The following XPR1 variants were observed in gnomAD, a reference collection of about 807,000 sequenced individuals.
XPR1 encodes solute carrier family 53 member 1.
XPR1 carries 28 observed loss-of-function variants against 87.5 expected under a neutral mutation model. The ratio of observed to expected loss-of-function variants is 0.32; its 90% CI spans 0.24 to 0.44. XPR1 has a LOEUF of 0.44. Among genes scored for constraint, XPR1 ranks in the 20% least tolerant of loss-of-function variants. The probability of loss-of-function intolerance (pLI) is 1.00; values close to 1 mark genes in which losing one functional copy is unlikely to be tolerated. For missense variants in XPR1, 559 were observed against 862.3 expected, an observed-to-expected ratio of 0.65 and a Z score of 4.41; for synonymous variants, 300 against 306.1, an observed-to-expected ratio of 0.98 and a Z score of 0.21.
chr1:180,758,331 A>G (rs1489943907), intron 2 of XPR1, among the ~76,000 whole-genome samples: 1 of 152,194 alleles, frequency 6.6e-6, no homozygotes, highest in African/African-American at 2.4e-5. Context: ...TGTGGTTACC[A>G]GAGACGGGGA....
chr1:180,726,189 G>T (rs146335771), intron 2 of XPR1, among the ~76,000 whole-genome samples: 2 of 152,128 alleles, frequency 1.3e-5, no homozygotes, highest in African/African-American at 2.4e-5. Context: ...CTAAAGGTTT[G>T]TAAATGCACC....
At chr1:180,829,103 G>C (rs1382644659) in intron 9 of XPR1, among the ~76,000 whole-genome samples, 1 of 152,168 alleles carries the variant, frequency 6.6e-6, no homozygotes, top group Non-Finnish European at 1.5e-5. Context: ...GGCTGAGGGA[G>C]GAGGATCGCT....
chr1:180,833,055 C>G (rs1651130752), intron 9 of XPR1, among the ~76,000 whole-genome samples: 1 of 152,096 alleles, frequency 6.6e-6, no homozygotes, highest in South Asian at 2.1e-4. Flanking sequence ...GTTCGTAGTT[C>G]TCTTTGAAGA....
intron 2 of XPR1, among the ~76,000 whole-genome samples, chr1:180,787,344 C>T (rs1248272017): frequency 6.6e-6 from 1 of 151,548 alleles, no homozygotes; most frequent in Non-Finnish European, 1.5e-5. Context: ...CTCTGTCACC[C>T]AGGCTGGAGT....
At chr1:180,736,337 C>T (rs900891746) in intron 2 of XPR1, among the ~76,000 whole-genome samples, 6 of 152,126 alleles carry the variant, frequency 3.9e-5, no homozygotes, top group African/African-American at 1.4e-4. Context: ...CCTGGCTTGG[C>T]TCTTATGAGG....
chr1:180,704,278 T>TA (rs1657474101), intron 2 of XPR1, among the ~76,000 whole-genome samples: 45 of 31,926 alleles, frequency 1.4e-3, no homozygotes, highest in East Asian at 0.013. Context: ...ATATATATAT[T>TA]ATCAGATTAT....
At chr1:180,658,114 A>G (rs1300554799) in intron 1 of XPR1, among the ~76,000 whole-genome samples, 1 of 152,146 alleles carries the variant, frequency 6.6e-6, no homozygotes, top group East Asian at 1.9e-4. Flanking sequence ...CAGAAATGCT[A>G]CTGATTTTTG....
chr1:180,867,125 C>T (rs1322356528), intron 12 of XPR1, among the ~76,000 whole-genome samples: 1 of 60,400 alleles, frequency 1.7e-5, no homozygotes, highest in South Asian at 6.3e-4. Flanking sequence ...ATCCATGTCC[C>T]TACAAAGGAC....
chr1:180,822,483 C>G (rs1650671756), intron 7 of XPR1, among the ~76,000 whole-genome samples: 1 of 152,164 alleles, frequency 6.6e-6, no homozygotes, highest in African/African-American at 2.4e-5. Flanking sequence ...CTTCAAACCC[C>G]TTATCTGACT....
intron 9 of XPR1, among the ~76,000 whole-genome samples, chr1:180,830,981 A>G (rs1328285607): frequency 1.3e-5 from 2 of 152,260 alleles, no homozygotes; most frequent in Non-Finnish European, 2.9e-5. Context: ...GCCTTGAGGA[A>G]AATACACTGC....
chr1:180,779,860 C>A (rs1159049572), intron 2 of XPR1, among the ~76,000 whole-genome samples: 1 of 152,166 alleles, frequency 6.6e-6, no homozygotes, highest in African/African-American at 2.4e-5. Flanking sequence ...TGCCAACCAC[C>A]ACTCTACTTT....
At chr1:180,765,139 C>T (rs1648227001) in intron 2 of XPR1, among the ~76,000 whole-genome samples, 1 of 152,106 alleles carries the variant, frequency 6.6e-6, no homozygotes, top group African/African-American at 2.4e-5. Flanking sequence ...ACAAGCATTG[C>T]CTCCTTTAAT....
At chr1:180,790,592 T>G (rs1182290057) in intron 3 of XPR1, among the ~76,000 whole-genome samples, 2 of 152,138 alleles carry the variant, frequency 1.3e-5, no homozygotes, top group East Asian at 3.9e-4. Flanking sequence ...CAGGCTGGAG[T>G]GCAGTGGTGC....
At chr1:180,759,203 A>G (rs1272543125) in intron 2 of XPR1, among the ~76,000 whole-genome samples, 1 of 152,248 alleles carries the variant, frequency 6.6e-6, no homozygotes, top group Admixed American at 6.5e-5. Flanking sequence ...CACAATAAAA[A>G]GAACTAAAAA....
intron 2 of XPR1, among the ~76,000 whole-genome samples, chr1:180,771,919 T>C (rs1440453490): frequency 6.6e-6 from 1 of 152,232 alleles, no homozygotes; most frequent in East Asian, 1.9e-4. Flanking sequence ...TTGATAAATA[T>C]CTTCTTGTTC....
intron 3 of XPR1, among the ~76,000 whole-genome samples, chr1:180,799,977 T>C (rs1649721618): frequency 6.6e-6 from 1 of 152,220 alleles, no homozygotes; most frequent in Non-Finnish European, 1.5e-5. Context: ...CCTTTGTCTT[T>C]AAAGTCTGTG....
intron 2 of XPR1, among the ~76,000 whole-genome samples, chr1:180,757,802 C>T (rs1158791557): frequency 6.7e-6 from 1 of 149,700 alleles, no homozygotes; most frequent in East Asian, 1.9e-4. Context: ...GTGTGAGTCC[C>T]CACCCCTGGC....
chr1:180,711,191 T>A (rs1456442106), intron 2 of XPR1, among the ~76,000 whole-genome samples: 4 of 150,330 alleles, frequency 2.7e-5, no homozygotes, highest in Admixed American at 6.6e-5. Flanking sequence ...GCAGAGACGC[T>A]CCTCACTTCC....
intron 11 of XPR1, among the ~76,000 whole-genome samples, chr1:180,851,008 A>G (rs1312064854): frequency 6.6e-6 from 1 of 151,892 alleles, no homozygotes; most frequent in Non-Finnish European, 1.5e-5. Context: ...TTTCTTTTAA[A>G]GTGGTTATAG....
Sources: allele counts gnomAD v4.1 joint callset (sites outside exome capture counted in the v4.1 genomes callset), GRCh38; gene constraint gnomAD v4.1.1; transcripts MANE v1.5; gene names NCBI Gene and HGNC (gene_info 2026-07-23, HGNC 2026-07-21).